Variants in TSHZ2 observed in about 807,000 individuals in gnomAD.
The protein encoded by TSHZ2 is teashirt homolog 2.
A neutral mutation model predicts 74.4 loss-of-function variants in TSHZ2; 21 were observed. That is an observed-to-expected ratio of 0.28 (90% CI 0.20 to 0.41). TSHZ2 has a LOEUF of 0.41. TSHZ2 is among the 10% of genes least tolerant of loss of function. The pLI is 1.00. For missense variants in TSHZ2, 1,244 were observed against 1,293.5 expected, an observed-to-expected ratio of 0.96 and a Z score of 0.59; for synonymous variants, 540 against 515.3, an observed-to-expected ratio of 1.05 and a Z score of -0.65.
chr20:53,081,443 A>G (rs572430293), intron 1 of TSHZ2, among the ~76,000 whole-genome samples: 2 of 152,200 alleles, frequency 1.3e-5, no homozygotes, highest in African/African-American at 4.8e-5. Context: ...GAACACAGAA[A>G]ACTGCACCCA....
intron 1 of TSHZ2, among the ~76,000 whole-genome samples, chr20:53,246,040 C>T (rs2057760): frequency 0.26 from 33,277 of 129,910 alleles, 4,735 homozygotes; most frequent in African/African-American, 0.38. Flanking sequence ...TTCTTTCTTT[C>T]TTTTTTTTTT....
At chr20:53,020,125 C>G (rs144380463) in intron 1 of TSHZ2, among the ~76,000 whole-genome samples, 2 of 152,150 alleles carry the variant, frequency 1.3e-5, no homozygotes, top group Non-Finnish European at 2.9e-5. Flanking sequence ...TGGGGGAAAC[C>G]ACCCCCATAA....
At chr20:53,075,675 G>C (rs2123212982) in intron 1 of TSHZ2, among the ~76,000 whole-genome samples, 1 of 152,334 alleles carries the variant, frequency 6.6e-6, no homozygotes, top group African/African-American at 2.4e-5. Flanking sequence ...ATATGAGAAT[G>C]AAGGTGGAGG....
At chr20:53,453,648 T>A (rs1206193601) in intron 2 of TSHZ2, among the ~76,000 whole-genome samples, 1 of 152,234 alleles carries the variant, frequency 6.6e-6, no homozygotes, top group East Asian at 1.9e-4. Flanking sequence ...AGGGAGCCGC[T>A]GGCTCTCCCT....
chr20:53,427,075 C>T (rs554316075), intron 2 of TSHZ2, among the ~76,000 whole-genome samples: 2 of 152,256 alleles, frequency 1.3e-5, no homozygotes, highest in African/African-American at 4.8e-5. Context: ...TGGGCTGGAG[C>T]GCCGTGAAGC....
intron 1 of TSHZ2, among the ~76,000 whole-genome samples, chr20:53,033,651 C>CTTTTTTTTTTTTTTTT (rs61445726): frequency 1.7e-5 from 1 of 59,020 alleles, no homozygotes; most frequent in Non-Finnish European, 3.0e-5. Flanking sequence ...TGATAAAAAG[C>CTTTTTTTTTTTTTTTT]TTTTTTTTTT....
At chr20:53,000,997 G>T (rs1284555339) in intron 1 of TSHZ2, among the ~76,000 whole-genome samples, 1 of 152,172 alleles carries the variant, frequency 6.6e-6, no homozygotes, top group Non-Finnish European at 1.5e-5. Context: ...GGAAATCTGA[G>T]AGGCTCTCTA....
intron 1 of TSHZ2, among the ~76,000 whole-genome samples, chr20:52,975,691 C>T (rs986277399): frequency 1.3e-5 from 2 of 152,088 alleles, no homozygotes; most frequent in African/African-American, 4.8e-5. Context: ...ACAGTGAGGG[C>T]CCTCTTACCT....
intron 2 of TSHZ2, among the ~76,000 whole-genome samples, chr20:53,465,228 T>C (rs896080473): frequency 5.3e-5 from 8 of 152,210 alleles, no homozygotes; most frequent in African/African-American, 1.9e-4. Context: ...TTGGTAATTA[T>C]TGATAATAAT....
intron 2 of TSHZ2, among the ~76,000 whole-genome samples, chr20:53,420,256 G>A (rs546243069): frequency 3.7e-4 from 57 of 152,300 alleles, no homozygotes; most frequent in African/African-American, 1.3e-3. Flanking sequence ...GAGTGGTCAG[G>A]GAAGGCGTCT....
chr20:53,382,092 C>G (rs559959004), intron 2 of TSHZ2, among the ~76,000 whole-genome samples: 1 of 152,132 alleles, frequency 6.6e-6, no homozygotes, highest in Non-Finnish European at 1.5e-5. Flanking sequence ...TCTCCTTTGC[C>G]CCTCAAACTT....
rs536633572 is a variant in TSHZ2, at chr20:53,299,800, T to G, written c.*8+43229T>G. Among the ~76,000 whole-genome samples, 3 of 152,278 alleles carry G rather than the reference T, an allele frequency of 2.0e-5. No individual in the cohort carries two copies. The South Asian group carries it at 6.2e-4, about 32-fold the overall frequency. ...GGTTGTTCTTCCTTGGACAATTCAT[T>G]TTGCAACTTAATTCCCAGGTTCTCA... On this transcript the variant is annotated intron_variant, in intron 2 of 2. Transcript: ENST00000371497.
Position 53,433,582 on chromosome 20 carries a change from CAG to C in TSHZ2, c.*9-53560_*9-53559del, listed in dbSNP as rs1491053665. On this transcript the variant is annotated intron_variant, in intron 2 of 2. Transcript: ENST00000371497. ...AAACCAACACAGACACACAGACACA[CAG>C]ACACACACACACACACACACACACA... is the stretch of plus-strand genomic sequence containing the variant. 5.2e-3 allele frequency among the ~76,000 whole-genome samples: 564 copies of C among 108,976 alleles called. 2 individuals are homozygous for C. The highest frequency in any genetic ancestry group is 0.021 in the African/African-American group (520 of 24,722). 71.5% of individuals were successfully genotyped at this position (108,976 alleles called of 152,430 possible).
intron 2 of TSHZ2, among the ~76,000 whole-genome samples, chr20:53,373,236 G>A (rs1981540971): frequency 1.3e-5 from 2 of 152,126 alleles, no homozygotes; most frequent in South Asian, 4.1e-4. Context: ...GACTTTGACT[G>A]GTTTGGTATT....
chr20:53,185,708 G>A, intron 1 of TSHZ2: 1 of 1,536,124 alleles, frequency 6.5e-7, no homozygotes, highest in Non-Finnish European at 8.7e-7. Context: ...CTGCTAGAAA[G>A]TCATCCCTAT....
intron 2 of TSHZ2, among the ~76,000 whole-genome samples, chr20:53,317,061 T>C (rs1311113987): frequency 2.0e-5 from 3 of 152,104 alleles, no homozygotes; most frequent in Non-Finnish European, 4.4e-5. Context: ...CTAATAACAG[T>C]GTGAGAAAGC....
intron 1 of TSHZ2, among the ~76,000 whole-genome samples, chr20:53,112,840 G>A (rs562733113): frequency 6.6e-6 from 1 of 152,308 alleles, no homozygotes; most frequent in South Asian, 2.1e-4. Flanking sequence ...CGTTTTTGAT[G>A]TAACATAAAT....
At chr20:53,279,074 A>G (rs963777232) in intron 2 of TSHZ2, among the ~76,000 whole-genome samples, 2 of 152,246 alleles carry the variant, frequency 1.3e-5, no homozygotes, top group East Asian at 1.9e-4. Flanking sequence ...AAGAAAGAGA[A>G]AACATATTAA....
chr20:53,103,880 C>T (rs1322350920), intron 1 of TSHZ2, among the ~76,000 whole-genome samples: 2 of 152,134 alleles, frequency 1.3e-5, no homozygotes, highest in African/African-American at 2.4e-5. Flanking sequence ...ATTATGAGCT[C>T]TTTGAACTTA....
Sources: allele counts gnomAD v4.1 joint callset (sites outside exome capture counted in the v4.1 genomes callset), GRCh38; gene constraint gnomAD v4.1.1; transcripts MANE v1.5; gene names NCBI Gene and HGNC (gene_info 2026-07-23, HGNC 2026-07-21).